CUBN: variants seen among roughly 807,000 people sequenced by gnomAD.
CUBN encodes the protein cubilin, also known as 460 kDa receptor.
Under a neutral mutation model 405.3 loss-of-function variants are expected in CUBN, and 282 were observed. The ratio of observed to expected loss-of-function variants is 0.70; its 90% CI spans 0.63 to 0.77. The LOEUF is 0.77. CUBN is among the 30% of genes least tolerant of loss of function. The pLI is 0.00. For synonymous variants in CUBN, 1,684 were observed against 1,617.0 expected (o/e 1.04, Z -0.99); for missense variants, 4,514 against 4,475.2 (o/e 1.01, Z -0.25).
At chr10:16,949,434 G>GGTGTGTGT (rs59878960) in intron 34 of CUBN, among the ~76,000 whole-genome samples, 48 of 108,864 alleles carry the variant, frequency 4.4e-4, no homozygotes, top group African/African-American at 1.2e-3. Flanking sequence ...TAAATGGCCT[G>GGTGTGTGT]GTGTGTGTGT....
intron 14 of CUBN, among the ~76,000 whole-genome samples, chr10:17,088,950 G>A (rs1416082761): frequency 2.6e-5 from 4 of 152,140 alleles, no homozygotes; most frequent in East Asian, 1.9e-4. Flanking sequence ...ATACCACATC[G>A]GCCCCCTAAC....
chr10:16,930,764 G>A (rs1015932990), intron 40 of CUBN, among the ~76,000 whole-genome samples: 1 of 152,186 alleles, frequency 6.6e-6, no homozygotes, highest in South Asian at 2.1e-4. Context: ...CCTCTCTGGG[G>A]TAGCCCAGGA....
intron 28 of CUBN, among the ~76,000 whole-genome samples, chr10:16,994,218 T>G (rs1833668790): frequency 6.6e-6 from 1 of 152,194 alleles, no homozygotes; most frequent in Non-Finnish European, 1.5e-5. Flanking sequence ...AAGTGTTTAT[T>G]GAGCATCTGC....
chr10:17,005,641 G>A (rs906741533), intron 28 of CUBN, among the ~76,000 whole-genome samples: 83 of 152,116 alleles, frequency 5.5e-4, no homozygotes, highest in African/African-American at 1.9e-3. Flanking sequence ...TTGAACTTCC[G>A]CAGGCTGTCC....
At position 16,903,454 on chromosome 10, in the gene CUBN, T is replaced by G. The variant is rs931039021; in HGVS notation, c.8062+512A>C. ...GATGCAAGAAAATGAAATTCTGTAT[T>G]ATGACTGAAAGCATAAAGAACTAAC... On this transcript the variant is annotated intron_variant, in intron 51 of 66. Coordinates refer to ENST00000377833, the MANE Select transcript of CUBN (RefSeq NM_001081.4). 4.6e-5 allele frequency among the ~76,000 whole-genome samples: 7 copies of G among 152,106 alleles called. No individual in the cohort carries two copies. The South Asian group carries it at 1.4e-3, about 31-fold the overall frequency.
In CUBN at chr10:16,925,735, G is replaced by A. The variant is rs372611470; in HGVS notation, c.6311C>T (p.Thr2104Met). ...GYLHADRGII[T>M]SPKYPETYPS... ...GTAAGTCTCTGGATACTTGGGGGAC[G>A]TGATGATCCCTCTGTCTGCATGCAA... The change falls in exon 42 of 67, where the codon ACG becomes ATG. Residue 2104 changes from threonine to methionine, a missense_variant. Coordinates refer to ENST00000377833, the MANE Select transcript of CUBN (RefSeq NM_001081.4). 26 of 1,613,960 alleles carry A rather than the reference G, an allele frequency of 1.6e-5. No individual in the cohort carries two copies. Among genetic ancestry groups the A allele is most frequent in the Non-Finnish European group, 2.0e-5 (24 of 1,179,916 alleles).
intron 23 of CUBN, among the ~76,000 whole-genome samples, chr10:17,047,100 T>G (rs1387319313): frequency 6.6e-6 from 1 of 152,176 alleles, no homozygotes; most frequent in Non-Finnish European, 1.5e-5. Context: ...ATAATTAAAG[T>G]AGGTATTCAA....
At chr10:17,096,283 A>G (rs1207700045) in intron 14 of CUBN, among the ~76,000 whole-genome samples, 1 of 152,078 alleles carries the variant, frequency 6.6e-6, no homozygotes, top group African/African-American at 2.4e-5. Flanking sequence ...GATCTTAAAT[A>G]TTTTCACCAT....
intron 36 of CUBN, among the ~76,000 whole-genome samples, chr10:16,946,554 G>C (rs1468565614): frequency 6.8e-6 from 1 of 146,644 alleles, no homozygotes; most frequent in African/African-American, 2.5e-5. Context: ...GGAGTGCAGT[G>C]GCTCAATCTC....
intron 10 of CUBN, among the ~76,000 whole-genome samples, chr10:17,108,573 G>A (rs749540401): frequency 3.3e-5 from 5 of 151,736 alleles, no homozygotes; most frequent in African/African-American, 4.8e-5. Context: ...TTGATGCTAC[G>A]GATAAAAAAT....
At chr10:16,858,520 T>A (rs1046628243) in intron 59 of CUBN, among the ~76,000 whole-genome samples, 1 of 151,950 alleles carries the variant, frequency 6.6e-6, no homozygotes, top group African/African-American at 2.4e-5. Context: ...AGGGTCTTGC[T>A]ATTATTGGCC....
chr10:16,937,780 T>C lies in CUBN; in HGVS notation c.5738A>G (p.Tyr1913Cys), dbSNP rs1474834640. The change falls in exon 39 of 67, where the codon TAT (tyrosine) becomes TGT (cysteine). Residue 1913 changes from tyrosine (Y) to cysteine (C), a missense_variant. By Grantham distance (194) the Tyr-to-Cys change is radical. Transcript: ENST00000377833. ...GCGGGCGTGAATGCTAGGCCCATCATAGATCTGTACATAAAAACAGATAAT... is the reference window on the plus strand; with the variant it reads ...GCGGGCGTGAATGCTAGGCCCATCACAGATCTGTACATAAAAACAGATAAT... ...QNCYYDKLRI[Y>C]DGPSIHARLI... is the part of the protein sequence containing the mutation. 23 of 1,613,888 alleles carry C rather than the reference T, an allele frequency of 1.4e-5. No homozygotes were observed. The highest frequency in any genetic ancestry group is 2.2e-5 in the East Asian group (1 of 44,852).
In CUBN at chr10:16,900,699, A is replaced by G; in HGVS notation, c.8336T>C (p.Leu2779Pro). 1 of 1,614,236 alleles carries G rather than the reference A, an allele frequency of 6.2e-7. No individual in the cohort carries two copies. The highest frequency in any genetic ancestry group is 1.1e-5 in the South Asian group (1 of 91,088). Residue 2779 changes from leucine to proline, a missense_variant, in exon 53 of 67, where the codon CTG becomes CCG. By Grantham distance (98) the Leu-to-Pro change is moderately conservative. Coordinates refer to ENST00000377833, the MANE Select transcript of CUBN (RefSeq NM_001081.4). ...PRTIQSGSNQ[L>P]VVTFNSDHSL... ...ATGGTCTGAGTTAAAAGTCACGACC[A>G]GCTGATTGGAACCTGACTGTATTGT...
intron 19 of CUBN, among the ~76,000 whole-genome samples, chr10:17,071,180 T>C (rs1835730651): frequency 6.6e-6 from 1 of 152,156 alleles, no homozygotes; most frequent in East Asian, 1.9e-4. Flanking sequence ...CATTAACTGA[T>C]TCTGGGGTTT....
At chr10:16,963,967 G>T (rs1319716156) in intron 31 of CUBN, among the ~76,000 whole-genome samples, 1 of 152,180 alleles carries the variant, frequency 6.6e-6, no homozygotes, top group Non-Finnish European at 1.5e-5. Context: ...CGGGGAACAG[G>T]GCATGGGATC....
At chr10:17,065,134 C>A (rs557850855) in intron 22 of CUBN, among the ~76,000 whole-genome samples, 3 of 140,368 alleles carry the variant, frequency 2.1e-5, no homozygotes, top group Non-Finnish European at 4.6e-5. Flanking sequence ...CTCTCTCCCC[C>A]CCCCCCCACA....
chr10:16,998,343 G>C (rs1050567206), intron 28 of CUBN, among the ~76,000 whole-genome samples: 1 of 152,226 alleles, frequency 6.6e-6, no homozygotes, highest in African/African-American at 2.4e-5. Context: ...CAAGAAGGAA[G>C]AAGGTCATGT....
intron 58 of CUBN, among the ~76,000 whole-genome samples, chr10:16,870,863 A>G (rs11816848): frequency 3.3e-4 from 50 of 152,258 alleles, no homozygotes; most frequent in African/African-American, 1.1e-3. Context: ...TTCAGGTCTT[A>G]TTCTTTGTCA....
intron 14 of CUBN, among the ~76,000 whole-genome samples, chr10:17,094,404 A>G (rs1836329352): frequency 6.6e-6 from 1 of 152,126 alleles, no homozygotes; most frequent in Non-Finnish European, 1.5e-5. Context: ...TCTGTGAGAA[A>G]TATTAAAATA....
Sources: allele counts gnomAD v4.1 joint callset (sites outside exome capture counted in the v4.1 genomes callset), GRCh38; gene constraint gnomAD v4.1.1; transcripts MANE v1.5; gene names NCBI Gene and HGNC (gene_info 2026-07-23, HGNC 2026-07-21).